Variants in PSMA1 observed in about 807,000 individuals in gnomAD.
PSMA1 encodes proteasome subunit alpha type-1.
In PSMA1, 3 loss-of-function variants were observed where a neutral mutation model predicts 38.4. The ratio of observed to expected loss-of-function variants is 0.08; its 90% CI spans 0.04 to 0.20. PSMA1 has a LOEUF of 0.20. Among genes scored for constraint, PSMA1 ranks in the 10% least tolerant of loss-of-function variants. The pLI, the probability that PSMA1 is intolerant of heterozygous loss-of-function variation, is 1.00. For synonymous variants in PSMA1, 101 were observed against 107.1 expected, an observed-to-expected ratio of 0.94 and a Z score of 0.35; for missense variants, 227 against 325.3, an observed-to-expected ratio of 0.70 and a Z score of 2.32.
chr11:14,524,029 CT>C (rs1340292372), upstream of PSMA1, among the ~76,000 whole-genome samples: 1 of 139,640 alleles, frequency 7.2e-6, no homozygotes, highest in African/African-American at 2.7e-5. Flanking sequence ...AATCCCGACA[CT>C]TTTTTTTCTC....
chr11:14,516,695 G>A (rs1466808746), intron 4 of PSMA1, among the ~76,000 whole-genome samples: 1 of 152,180 alleles, frequency 6.6e-6, no homozygotes, highest in Non-Finnish European at 1.5e-5. Context: ...GGAGGCTGAG[G>A]TGGGCAGATT....
intron 9 of PSMA1, among the ~76,000 whole-genome samples, chr11:14,505,790 A>AG (rs1474856199): frequency 1.3e-5 from 2 of 152,168 alleles, no homozygotes; most frequent in African/African-American, 4.8e-5. Context: ...GGATTGCTTA[A>AG]GCCCAGGAGT....
chr11:14,531,774 T>C (rs1851649990), intron 2 of PSMA1, among the ~76,000 whole-genome samples: 2 of 152,190 alleles, frequency 1.3e-5, no homozygotes, highest in South Asian at 4.1e-4. Flanking sequence ...GTATTTTTTA[T>C]GGCTGTATAG....
chr11:14,513,385 T>C (rs1851374573), intron 7 of PSMA1, 185 bp downstream of exon 7: 1 of 580,934 alleles, frequency 1.7e-6, no homozygotes, highest in African/African-American at 1.9e-5. Flanking sequence ...GAAACTACTG[T>C]GGTAACCAGA....
rs577701077 is a variant in PSMA1, at chr11:14,581,751, T to A, written c.21+29215A>T. ...GGATTATCTGTAGTAACTTCAGTAT[T>A]GTTTCAGGGTTGCAAAGTCACATTA... On this transcript the variant is annotated intron_variant, in intron 2 of 10. Coordinates refer to the PSMA1 transcript ENST00000418988. Among the ~76,000 whole-genome samples, 3 of 152,338 alleles carry A rather than the reference T, an allele frequency of 2.0e-5. No homozygotes were observed. In the East Asian group the frequency reaches 5.8e-4, roughly 29 times the overall value.
At chr11:14,551,909 T>A (rs1458719239) in intron 2 of PSMA1, among the ~76,000 whole-genome samples, 1 of 152,236 alleles carries the variant, frequency 6.6e-6, no homozygotes, top group Non-Finnish European at 1.5e-5. Flanking sequence ...TTTTATTTTA[T>A]CCTCTCTATA....
At chr11:14,511,735 A>C (rs1339338229) in intron 7 of PSMA1, among the ~76,000 whole-genome samples, 1 of 152,232 alleles carries the variant, frequency 6.6e-6, no homozygotes, top group Non-Finnish European at 1.5e-5. Context: ...TTTTCCCTTA[A>C]GTTTAGGAAC....
At chr11:14,630,894 G>C (rs1852995662) in intron 1 of PSMA1, among the ~76,000 whole-genome samples, 1 of 152,060 alleles carries the variant, frequency 6.6e-6, no homozygotes, top group African/African-American at 2.4e-5. Context: ...TTAGTCTTGG[G>C]AGAGTGTATG....
intron 2 of PSMA1, among the ~76,000 whole-genome samples, chr11:14,572,564 A>G (rs974100849): frequency 6.6e-6 from 1 of 152,242 alleles, no homozygotes; most frequent in African/African-American, 2.4e-5. Flanking sequence ...AGAAAGCAAG[A>G]AAGATCTAAA....
chr11:14,596,804 G>A (rs557019570), intron 2 of PSMA1, among the ~76,000 whole-genome samples: 1,621 of 152,262 alleles, frequency 0.011, 7 homozygotes, highest in Admixed American at 0.015. Context: ...GGTGAGAGAG[G>A]GCATCCCTGT....
At chr11:14,563,658 G>A (rs548257542) in intron 2 of PSMA1, among the ~76,000 whole-genome samples, 6 of 152,174 alleles carry the variant, frequency 3.9e-5, no homozygotes, top group African/African-American at 1.4e-4. Context: ...TCAGTAATAT[G>A]TGTTTACTGT....
At chr11:14,584,581 C>T (rs1852321724) in intron 2 of PSMA1, among the ~76,000 whole-genome samples, 1 of 150,672 alleles carries the variant, frequency 6.6e-6, no homozygotes, top group African/African-American at 2.5e-5. Flanking sequence ...CCAAGCACCA[C>T]AGGGCAAGCT....
chr11:14,538,855 T>C (rs1851740150), intron 2 of PSMA1, among the ~76,000 whole-genome samples: 1 of 152,238 alleles, frequency 6.6e-6, no homozygotes, highest in East Asian at 1.9e-4. Context: ...GTTCTGTTGT[T>C]TGGGGTGTGC....
At chr11:14,514,137 C>T in intron 5 of PSMA1, 5 of 1,324,328 alleles carry the variant, frequency 3.8e-6, no homozygotes, top group Non-Finnish European at 4.8e-6. Flanking sequence ...TACAAGGGGT[C>T]TAGGATTTCT....
chr11:14,608,738 C>G (rs1276191497), intron 2 of PSMA1, among the ~76,000 whole-genome samples: 1 of 147,546 alleles, frequency 6.8e-6, no homozygotes, highest in African/African-American at 2.5e-5. Context: ...TAAAAGTATA[C>G]ATATTATGTA....
chr11:14,595,364 T>C (rs1023695011), intron 2 of PSMA1, among the ~76,000 whole-genome samples: 4 of 152,210 alleles, frequency 2.6e-5, no homozygotes, highest in Non-Finnish European at 4.4e-5. Flanking sequence ...TAATTTACAC[T>C]CCCACCAACG....
chr11:14,586,724 C>G (rs1277844854), intron 2 of PSMA1, among the ~76,000 whole-genome samples: 1 of 152,074 alleles, frequency 6.6e-6, no homozygotes, highest in South Asian at 2.1e-4. Flanking sequence ...AAGAATCTCT[C>G]CCTTGCTACT....
Position 14,594,466 on chromosome 11 carries a change from G to C in PSMA1, c.21+16500C>G, listed in dbSNP as rs924957571. Among the ~76,000 whole-genome samples the C allele has an allele frequency of 2.6e-5, 4 of 152,168 alleles. No homozygotes were observed. In the East Asian group the frequency reaches 5.8e-4, roughly 22 times the overall value. On this transcript the variant is annotated intron_variant, in intron 2 of 10. Coordinates refer to the PSMA1 transcript ENST00000418988. ...TTCCATCATGTCTAGACCAAGACAT[G>C]TAGGTTCCCATGCAAAAAAACATTT...
chr11:14,604,897 C>T (rs775081326), intron 2 of PSMA1, among the ~76,000 whole-genome samples: 14 of 152,132 alleles, frequency 9.2e-5, no homozygotes, highest in Non-Finnish European at 1.3e-4. Context: ...CCTTTTATGG[C>T]TGTGTAGTAT....
Sources: gnomAD v4.1 joint callset for allele counts (sites outside exome capture counted in the v4.1 genomes callset) on GRCh38, gnomAD v4.1.1 for gene constraint, MANE v1.5 for transcripts, NCBI Gene and HGNC (gene_info 2026-07-23, HGNC 2026-07-21) for gene names.